The following PDE1C variants were observed in gnomAD, a reference collection of about 807,000 sequenced individuals.
PDE1C encodes the protein dual specificity calcium/calmodulin-dependent 3',5'-cyclic nucleotide phosphodiesterase 1C.
PDE1C carries 62 observed loss-of-function variants against 93.1 expected under a neutral mutation model. That is an observed-to-expected ratio of 0.67 (90% confidence interval 0.54 to 0.82). The LOEUF (loss-of-function observed/expected upper bound fraction) is 0.82. Among genes scored for constraint, PDE1C ranks in the 40% least tolerant of loss-of-function variants. The pLI is 0.00. For synonymous variants in PDE1C, 325 were observed against 310.1 expected (o/e 1.05, Z -0.50); for missense variants, 742 against 884.6 (o/e 0.84, Z 2.04).
chr7:31,674,968 T>C, the PDE1C span, among the ~76,000 whole-genome samples: 1 of 152,178 alleles, frequency 6.6e-6, no homozygotes, highest in African/African-American at 2.4e-5. Flanking sequence ...AGATCTCATC[T>C]TTTAGGTATA....
At chr7:31,701,115 A>G in the PDE1C span, among the ~76,000 whole-genome samples, 1 of 152,226 alleles carries the variant, frequency 6.6e-6, no homozygotes, top group Non-Finnish European at 1.5e-5. Context: ...TGCTATAGAT[A>G]GTGATCCCTC....
At chr7:31,704,880 C>T in the PDE1C span, among the ~76,000 whole-genome samples, 1 of 152,066 alleles carries the variant, frequency 6.6e-6, no homozygotes, top group Non-Finnish European at 1.5e-5. Context: ...GGAGGTTAAA[C>T]CAGACCAGTG....
intron 9 of PDE1C, among the ~76,000 whole-genome samples, chr7:31,841,384 T>TGA (rs1791879567): frequency 6.6e-6 from 1 of 152,076 alleles, no homozygotes; most frequent in Admixed American, 6.6e-5. Context: ...AATCATGTCA[T>TGA]TTGCTATTAA....
At chr7:32,247,817 A>G (rs1809078193) in intron 1 of PDE1C, among the ~76,000 whole-genome samples, 1 of 152,160 alleles carries the variant, frequency 6.6e-6, no homozygotes, top group Non-Finnish European at 1.5e-5. Context: ...AGATATATTA[A>G]ATGCATTTTC....
intron 1 of PDE1C, among the ~76,000 whole-genome samples, chr7:32,309,608 G>T (rs1032249374): frequency 6.6e-6 from 1 of 152,178 alleles, no homozygotes; most frequent in Admixed American, 6.5e-5. Flanking sequence ...CATTCTTATA[G>T]AAAAGAATTT....
intron 2 of PDE1C, among the ~76,000 whole-genome samples, chr7:31,928,877 T>C (rs531128233): frequency 6.6e-6 from 1 of 152,246 alleles, no homozygotes; most frequent in South Asian, 2.1e-4. Context: ...CTGCATCAAC[T>C]AATGTGCAAA....
intron 15 of PDE1C, 83 bp from the exon 16 acceptor site, chr7:31,809,191 A>G: frequency 1.3e-6 from 1 of 756,562 alleles, no homozygotes; most frequent in East Asian, 2.5e-5. Context: ...CCAAGTTTTG[A>G]AAAAGTGCAG....
In PDE1C at chr7:32,277,189, G is replaced by A. The variant is rs76549140; in HGVS notation, c.85+21462C>T. 2.6e-3 allele frequency among the ~76,000 whole-genome samples: 396 copies of A among 152,244 alleles called. 1 individual carries two copies. The highest frequency in any genetic ancestry group is 9.0e-3 in the African/African-American group (374 of 41,544). On this transcript the variant is annotated intron_variant, in intron 1 of 18. Coordinates refer to the PDE1C transcript ENST00000396193. ...ACCTGAGCTTGGGAGGTCGTGATGG[G>A]CTTGAGCCATGATCATGCCACTGCA...
chr7:31,735,936 C>T, the PDE1C span, among the ~76,000 whole-genome samples: 1 of 152,204 alleles, frequency 6.6e-6, no homozygotes, highest in Non-Finnish European at 1.5e-5. Flanking sequence ...AACCTATGCA[C>T]ATCCTCCCAT....
intron 16 of PDE1C, among the ~76,000 whole-genome samples, chr7:31,806,210 G>T (rs1222987813): frequency 6.6e-6 from 1 of 151,902 alleles, no homozygotes; most frequent in Non-Finnish European, 1.5e-5. Flanking sequence ...TTGTTTGAGA[G>T]GCACAAAAGA....
At chr7:31,922,745 A>G (rs998212117) in intron 2 of PDE1C, among the ~76,000 whole-genome samples, 5 of 152,248 alleles carry the variant, frequency 3.3e-5, no homozygotes, top group Non-Finnish European at 5.9e-5. Flanking sequence ...GAAACAGTGG[A>G]AGAAACAAAA....
At chr7:31,903,533 C>T (rs1208847239) in intron 2 of PDE1C, among the ~76,000 whole-genome samples, 1 of 151,960 alleles carries the variant, frequency 6.6e-6, no homozygotes, top group African/African-American at 2.4e-5. Flanking sequence ...ACTCAAATAC[C>T]ACAAGGTCAG....
intron 3 of PDE1C, among the ~76,000 whole-genome samples, chr7:32,169,404 T>C (rs939375171): frequency 1.3e-5 from 2 of 152,208 alleles, no homozygotes; most frequent in East Asian, 3.8e-4. Flanking sequence ...CAAGAGACTC[T>C]AAATACACAG....
the PDE1C span, among the ~76,000 whole-genome samples, chr7:31,729,009 C>A: frequency 1.3e-5 from 2 of 152,284 alleles, no homozygotes; most frequent in Admixed American, 1.3e-4. Context: ...TTTCTGGCTG[C>A]ATAGTGCAGA....
At chr7:31,663,503 T>C in the PDE1C span, among the ~76,000 whole-genome samples, 2 of 152,202 alleles carry the variant, frequency 1.3e-5, no homozygotes, top group Non-Finnish European at 2.9e-5. Flanking sequence ...TGCTCTTGAT[T>C]TTATGCCGGA....
chr7:32,142,307 A>T (rs1800586396), intron 3 of PDE1C, among the ~76,000 whole-genome samples: 1 of 152,198 alleles, frequency 6.6e-6, no homozygotes, highest in African/African-American at 2.4e-5. Context: ...TCAAGAGCAA[A>T]GAATAACATC....
At chr7:31,912,843 T>C (rs1386959528) in intron 2 of PDE1C, among the ~76,000 whole-genome samples, 6 of 152,270 alleles carry the variant, frequency 3.9e-5, no homozygotes, top group South Asian at 4.1e-4. Context: ...AGATTTTTTT[T>C]TTGGACACAG....
rs370754209 is a variant in PDE1C at position 32,160,948 on chromosome 7, T to C, written c.308+8837A>G. Among the ~76,000 whole-genome samples, 11 of 152,304 alleles carry C rather than the reference T, an allele frequency of 7.2e-5. 3 individuals are homozygous for C. Among genetic ancestry groups the C allele is most frequent in the Non-Finnish European group, 1.5e-5 (1 of 68,026 alleles). On this transcript the variant is annotated intron_variant, in intron 3 of 18. Coordinates refer to the PDE1C transcript ENST00000396193. Reference sequence around the variant, plus strand: ...TATTTTAGGCTTCCAAAGTCTGCAATGCATTTTCAACAGCATTACTCTTGC... The same window carrying C: ...TATTTTAGGCTTCCAAAGTCTGCAACGCATTTTCAACAGCATTACTCTTGC...
At chr7:31,642,812 C>T in the PDE1C span, 113 of 1,613,794 alleles carry the variant, frequency 7.0e-5, no homozygotes, top group African/African-American at 7.9e-4. Context: ...AAAAGTAGGG[C>T]GAGCATGTCT....
Sources: gnomAD v4.1 joint callset for allele counts (sites outside exome capture counted in the v4.1 genomes callset) on GRCh38, gnomAD v4.1.1 for gene constraint, MANE v1.5 for transcripts, NCBI Gene and HGNC (gene_info 2026-07-23, HGNC 2026-07-21) for gene names.